GIGYF2: variants seen among roughly 807,000 people sequenced by gnomAD.
GIGYF2 encodes the protein GRB10 interacting GYF protein 2.
GIGYF2 carries 25 observed loss-of-function variants against 208.1 expected under a neutral mutation model. That is an observed-to-expected ratio of 0.12 (90% CI 0.09 to 0.17). The LOEUF is 0.17. Ranked by LOEUF, GIGYF2 falls within the 10% of genes least tolerant of loss-of-function variation. The pLI is 1.00. For synonymous variants in GIGYF2, 534 were observed against 543.8 expected (o/e 0.98, Z 0.25); for missense variants, 1,302 against 1,579.4 (o/e 0.82, Z 2.98).
chr2:232,737,806 TTAAAAA>T (rs1697797206), intron 3 of GIGYF2, among the ~76,000 whole-genome samples: 1 of 152,106 alleles, frequency 6.6e-6, no homozygotes. Context: ...TAAGGGATAC[TTAAAAA>T]TGAAGCAATT....
intron 26 of GIGYF2, among the ~76,000 whole-genome samples, chr2:232,846,111 T>G (rs2106426623): frequency 1.3e-5 from 2 of 152,314 alleles, no homozygotes; most frequent in African/African-American, 2.4e-5. Flanking sequence ...GTAAATGCCA[T>G]CTTAGACTGC....
At chr2:232,703,394 G>A (rs1695943970) in intron 1 of GIGYF2, 30 bp from the exon 2 acceptor site, 1 of 152,560 alleles carries the variant, frequency 6.6e-6, no homozygotes, top group African/African-American at 2.4e-5. Flanking sequence ...GTTGCTGGGT[G>A]ATTTATATTA....
intron 2 of GIGYF2, among the ~76,000 whole-genome samples, chr2:232,732,654 T>A (rs528750896): frequency 2.0e-5 from 3 of 151,038 alleles, no homozygotes; most frequent in Middle Eastern, 3.4e-3. Context: ...TTTTTTTTTT[T>A]AATTGAGACA....
At chr2:232,749,831 A>T (rs1246275304) in intron 5 of GIGYF2, among the ~76,000 whole-genome samples, 1 of 152,124 alleles carries the variant, frequency 6.6e-6, no homozygotes, top group African/African-American at 2.4e-5. Flanking sequence ...GAAATATTAA[A>T]ATCCTGGGCA....
chr2:232,797,778 C>G (rs142806893), intron 14 of GIGYF2, among the ~76,000 whole-genome samples: 2,730 of 151,984 alleles, frequency 0.018, 89 homozygotes, highest in African/African-American at 0.062. Flanking sequence ...GCCAGGAGTT[C>G]AAGACCAGAC....
chr2:232,786,417 G>A lies in GIGYF2; in HGVS notation c.533-733G>A, dbSNP rs1699909635. Among the ~76,000 whole-genome samples the A allele has an allele frequency of 3.9e-5, 6 of 151,974 alleles. No individual in the cohort carries two copies. The South Asian group carries it at 8.3e-4, about 21-fold the overall frequency. On this transcript the variant is annotated intron_variant, in intron 8 of 28. Coordinates refer to ENST00000373563, the MANE Select transcript of GIGYF2 (RefSeq NM_001103146.3). ...CACACCCAGCTAATTTTTGTATTTT[G>A]AGTAGACATGAGGTTTCACCACATT...
Position 232,749,055 on chromosome 2 carries a change from T to C in GIGYF2, c.240T>C (p.Ala80=). The change falls in exon 5 of 29, where the codon GCT becomes GCC. Residue 80 remains alanine (A), a synonymous_variant. Transcript: ENST00000373563. ...ILQEEPLPPL[A]LVPFTEEEQR... ...AGGAGGAACCCCTTCCACCATTGGC[T>C]CTGGTACCCTTTACAGAAGAAGAAC... The C allele has an allele frequency of 1.9e-6, 3 of 1,593,466 alleles. No individual in the cohort carries two copies. The highest frequency in any genetic ancestry group is 1.7e-6 in the Non-Finnish European group (2 of 1,161,164).
chr2:232,760,163 T>C (rs1259399755), intron 6 of GIGYF2: 2 of 207,034 alleles, frequency 9.7e-6, no homozygotes, highest in African/African-American at 2.3e-5. Context: ...TACGGTAGTG[T>C]TTTATTGAAC....
At chr2:232,713,080 CT>C (rs10636543) in intron 2 of GIGYF2, among the ~76,000 whole-genome samples, 19 of 146,510 alleles carry the variant, frequency 1.3e-4, no homozygotes, top group Non-Finnish European at 1.0e-4. Flanking sequence ...GAAAAAACTT[CT>C]TTTTTTTTTT....
At chr2:232,823,594 G>A (rs770589509) in intron 21 of GIGYF2, among the ~76,000 whole-genome samples, 10 of 152,012 alleles carry the variant, frequency 6.6e-5, no homozygotes, top group Non-Finnish European at 1.5e-4. Context: ...GACTCAAGCA[G>A]TTTTCTTGTC....
intron 1 of GIGYF2, among the ~76,000 whole-genome samples, chr2:232,699,758 A>T (rs1243689637): frequency 2.0e-5 from 3 of 152,228 alleles, no homozygotes; most frequent in Non-Finnish European, 2.9e-5. Context: ...GGTGGAAACA[A>T]TGTATTAACT....
intron 2 of GIGYF2, chr2:232,722,579 G>T (rs1341395131): frequency 6.6e-6 from 1 of 152,132 alleles, no homozygotes; most frequent in Non-Finnish European, 1.5e-5. Context: ...GTGCAACAAG[G>T]TGTCCTGAAT....
intron 2 of GIGYF2, chr2:232,730,287 G>A (rs1232504162): frequency 3.1e-6 from 2 of 645,212 alleles, no homozygotes; most frequent in Admixed American, 2.8e-5. Flanking sequence ...AATATTCTTA[G>A]GTTTTTAAGA....
chr2:232,705,252 A>G (rs1468251481), intron 2 of GIGYF2, among the ~76,000 whole-genome samples: 2 of 152,176 alleles, frequency 1.3e-5, no homozygotes, highest in African/African-American at 4.8e-5. Flanking sequence ...CTCTATTCAC[A>G]TTATTAGAGT....
chr2:232,748,439 C>T (rs919667902), intron 4 of GIGYF2, among the ~76,000 whole-genome samples: 9 of 152,098 alleles, frequency 5.9e-5, no homozygotes, highest in African/African-American at 1.9e-4. Flanking sequence ...TGCGTTCCCA[C>T]GCTTGGCTAA....
intron 21 of GIGYF2, among the ~76,000 whole-genome samples, chr2:232,822,370 G>A (rs2197563): frequency 0.62 from 94,709 of 152,106 alleles, 29,826 homozygotes; most frequent in Admixed American, 0.67. Flanking sequence ...TTGCTATTAT[G>A]AGTGGAATTT....
chr2:232,786,581 T>G (rs369660074), intron 8 of GIGYF2, among the ~76,000 whole-genome samples: 3 of 152,196 alleles, frequency 2.0e-5, no homozygotes, highest in African/African-American at 7.2e-5. Context: ...CGGCCTGAAA[T>G]GTACAGATAT....
intron 8 of GIGYF2, among the ~76,000 whole-genome samples, chr2:232,770,037 A>T (rs1293912785): frequency 6.6e-6 from 1 of 152,158 alleles, no homozygotes; most frequent in Non-Finnish European, 1.5e-5. Flanking sequence ...GCCAAGAGAT[A>T]CAAGTTTTTC....
At position 232,836,324 on chromosome 2, in the gene GIGYF2, ATATATACATATATATACTTATATATTT is replaced by A. The variant is rs1559160690; in HGVS notation, c.2766+3232_2766+3258del. Among the ~76,000 whole-genome samples, 33 of 26,770 alleles carry A rather than the reference ATATATACATATATATACTTATATATTT, an allele frequency of 1.2e-3. 4 individuals carry two copies. Among genetic ancestry groups the A allele is most frequent in the Admixed American group, 2.7e-3 (5 of 1,826 alleles). The allele number at this position is 26,770 out of a possible 152,430, so 17.6% of individuals were successfully genotyped here. Reference sequence around the variant, plus strand: ...TATATATATATATATATATATATATATATATACATATATATACTTATATATTTATATATATAAATATAAATATATATA... The same window carrying A: ...TATATATATATATATATATATATATAATATATATAAATATAAATATATATA... On this transcript the variant is annotated intron_variant, in intron 22 of 28. Transcript: ENST00000373563.
Sources: allele counts gnomAD v4.1 joint callset (sites outside exome capture counted in the v4.1 genomes callset), GRCh38; gene constraint gnomAD v4.1.1; transcripts MANE v1.5; gene names NCBI Gene and HGNC (gene_info 2026-07-23, HGNC 2026-07-21).